Variants in NOVA2 observed in about 807,000 individuals in gnomAD.
NOVA2 encodes the protein RNA-binding protein Nova-2.
Under a neutral mutation model 22.5 loss-of-function variants are expected in NOVA2, and 9 were observed. The observed-to-expected ratio is 0.40, with a 90% CI of 0.24 to 0.70. NOVA2 has a LOEUF of 0.70. Among genes scored for constraint, NOVA2 ranks in the 30% least tolerant of loss-of-function variants. The pLI is 0.38. For synonymous variants in NOVA2, 318 were observed against 335.2 expected (o/e 0.95, Z 0.56); for missense variants, 383 against 682.8 (o/e 0.56, Z 4.89).
intron 3 of NOVA2, among the ~76,000 whole-genome samples, chr19:45,953,506 G>T (rs11672647): frequency 0.42 from 63,436 of 151,914 alleles, 15,765 homozygotes; most frequent in Non-Finnish European, 0.55. Context: ...AGAATCCTAG[G>T]AAGAAAGGAT....
At chr19:45,948,058 G>A (rs1234715574) in intron 3 of NOVA2, among the ~76,000 whole-genome samples, 2 of 152,140 alleles carry the variant, frequency 1.3e-5, no homozygotes, top group African/African-American at 2.4e-5. Flanking sequence ...GCTTATGCAT[G>A]TAATGGTGAG....
chr19:45,966,776 C>T (rs1287829851), intron 1 of NOVA2, among the ~76,000 whole-genome samples: 4 of 152,104 alleles, frequency 2.6e-5, no homozygotes, highest in East Asian at 1.9e-4. Flanking sequence ...ACTTGGGAGG[C>T]TGAAGCAGAA....
chr19:45,964,587 C>CTCTCTCTCTCTCTT (rs1330929033), intron 1 of NOVA2, among the ~76,000 whole-genome samples: 109 of 151,782 alleles, frequency 7.2e-4, no homozygotes, highest in South Asian at 1.5e-3. Flanking sequence ...CTCTCTCTTT[C>CTCTCTCTCTCTCTT]TCTTTCTCTG....
chr19:45,940,324 C>T lies in NOVA2; in HGVS notation c.1018G>A (p.Gly340Arg). Residue 340 changes from glycine (G) to arginine (R), a missense_variant, in exon 4 of 4, where the codon GGA (glycine) becomes AGA (arginine). Gly to Arg is a moderately radical substitution (Grantham distance 125). Around this residue, in one of 2 missense-constraint regions of NOVA2, gnomAD observed 349 missense variants for 578.1 expected, o/e 0.60. Coordinates refer to ENST00000263257, the MANE Select transcript of NOVA2 (RefSeq NM_002516.4). Reference protein sequence around the residue: ...YAGEAGAGPAGGAAPPPPPPP... With the variant: ...YAGEAGAGPARGAAPPPPPPP... Reference sequence around the variant, plus strand: ...GGGGGCGGCGGCGGGGCGGCCCCTCCGGCTGGCCCGGCCCCGGCCTCGCCC... The same window carrying T: ...GGGGGCGGCGGCGGGGCGGCCCCTCTGGCTGGCCCGGCCCCGGCCTCGCCC... 8.5e-7 allele frequency: 1 copy of T among 1,170,412 alleles called. No homozygotes were observed. Among genetic ancestry groups the T allele is most frequent in the South Asian group, 4.1e-5 (1 of 24,636 alleles). The allele number at this position is 1,170,412 out of a possible 1,614,324, so 72.5% of individuals were successfully genotyped here.
intron 1 of NOVA2, among the ~76,000 whole-genome samples, chr19:45,966,024 G>T (rs1473668495): frequency 6.6e-6 from 1 of 152,062 alleles, no homozygotes; most frequent in Non-Finnish European, 1.5e-5. Context: ...CACCCTATAC[G>T]TGGGGTTTGG....
chr19:45,959,536 A>G (rs1028523229), intron 2 of NOVA2, among the ~76,000 whole-genome samples: 1 of 152,140 alleles, frequency 6.6e-6, no homozygotes, highest in Non-Finnish European at 1.5e-5. Flanking sequence ...CATTCCGAAC[A>G]GAGGTCTTAT....
At chr19:45,973,026 A>C in intron 1 of NOVA2, among the ~76,000 whole-genome samples, 1 of 120,028 alleles carries the variant, frequency 8.3e-6, no homozygotes, top group African/African-American at 3.1e-5. Context: ...CCCCCCAAGG[A>C]CACTTATCAC....
At position 45,973,371 on chromosome 19, in the gene NOVA2, G is replaced by GGCTGCT. The variant is rs768078652; in HGVS notation, c.-26_-21dup. 4 of 889,380 alleles carry GGCTGCT rather than the reference G, an allele frequency of 4.5e-6. No homozygotes were observed. Among genetic ancestry groups the GGCTGCT allele is most frequent in the Non-Finnish European group, 5.8e-6 (4 of 685,898 alleles). The allele number at this position is 889,380 out of a possible 1,614,324, so 55.1% of individuals were successfully genotyped here. The stretch of plus-strand genomic sequence containing the variant: ...CTCCATGGGGGGGGCCTGGGGCGGC[G>GGCTGCT]GCTGCTGCTGCTGCGGCGGCTGCGG... On this transcript the variant is annotated 5_prime_UTR_variant, in exon 1 of 4. Transcript: ENST00000263257.
Position 45,938,010 on chromosome 19 carries a change from G to A in NOVA2, c.*1853C>T, listed in dbSNP as rs778504681. 1 of 152,124 alleles carries A rather than the reference G, an allele frequency of 6.6e-6. No homozygotes were observed. The highest frequency in any genetic ancestry group is 2.4e-5 in the African/African-American group (1 of 41,412). 9.4% of individuals were successfully genotyped at this position (152,124 alleles called of 1,614,324 possible). On this transcript the variant is annotated 3_prime_UTR_variant, in exon 4 of 4. Transcript: ENST00000263257. ...AAAGGGTTTGGAAGACCTAGGAGGC[G>A]GACAAATGGGGGAGAGGGTGGGCAT...
chr19:45,973,222 G>A, intron 1 of NOVA2, 45 bp downstream of exon 1: 1 of 1,185,360 alleles, frequency 8.4e-7, no homozygotes, highest in Non-Finnish European at 1.1e-6. Context: ...AGAAAGGCGA[G>A]GCCCCCTGCC....
intron 1 of NOVA2, among the ~76,000 whole-genome samples, chr19:45,964,235 A>G (rs1424068578): frequency 7.3e-6 from 1 of 137,276 alleles, no homozygotes; most frequent in African/African-American, 2.8e-5. Context: ...GCTGCAGTGC[A>G]ATGGCGCGAT....
intron 1 of NOVA2, among the ~76,000 whole-genome samples, chr19:45,964,183 T>TC (rs1433726786): frequency 8.2e-6 from 1 of 122,302 alleles, no homozygotes; most frequent in Admixed American, 8.6e-5. Flanking sequence ...CTTTTTCTTT[T>TC]TTTTTTTTTT....
intron 1 of NOVA2, among the ~76,000 whole-genome samples, chr19:45,971,841 C>T (rs1968236236): frequency 1.3e-5 from 2 of 151,988 alleles, no homozygotes; most frequent in Non-Finnish European, 1.5e-5. Context: ...CCCAAAAAAC[C>T]CCACCTCTTC....
Position 45,966,139 on chromosome 19 carries a change from C to T in NOVA2, c.86-4986G>A, listed in dbSNP as rs934669200. 9.9e-5 allele frequency among the ~76,000 whole-genome samples: 15 copies of T among 152,204 alleles called. 1 individual carries two copies. In the East Asian group the frequency reaches 2.9e-3, roughly 29 times the overall value. On this transcript the variant is annotated intron_variant, in intron 1 of 3. Coordinates refer to ENST00000263257, the MANE Select transcript of NOVA2 (RefSeq NM_002516.4). Reference sequence around the variant, plus strand: ...TCCCTCCTTCTTGGAGGAGGAATGTCCTCTCACTGATACAAGCCAGACCTT... The same window carrying T: ...TCCCTCCTTCTTGGAGGAGGAATGTTCTCTCACTGATACAAGCCAGACCTT...
At chr19:45,958,854 T>C (rs1458290030) in intron 2 of NOVA2, among the ~76,000 whole-genome samples, 1 of 152,164 alleles carries the variant, frequency 6.6e-6, no homozygotes, top group Non-Finnish European at 1.5e-5. Flanking sequence ...TCCCTACTGC[T>C]CTGGTCGTCT....
chr19:45,954,905 ACTAG>A (rs1360099125), intron 2 of NOVA2, among the ~76,000 whole-genome samples: 2 of 147,588 alleles, frequency 1.4e-5, no homozygotes, highest in African/African-American at 5.0e-5. Flanking sequence ...CTTGAGCAGG[ACTAG>A]CTAGATGATC....
intron 1 of NOVA2, among the ~76,000 whole-genome samples, chr19:45,966,861 G>C (rs1712333118): frequency 6.6e-6 from 1 of 152,092 alleles, no homozygotes; most frequent in Non-Finnish European, 1.5e-5. Flanking sequence ...TGGGCAACAA[G>C]AGCGAAACTC....
At chr19:45,970,089 T>G (rs912133308) in intron 1 of NOVA2, among the ~76,000 whole-genome samples, 3 of 152,186 alleles carry the variant, frequency 2.0e-5, no homozygotes, top group South Asian at 2.1e-4. Flanking sequence ...GTTCTGCTGC[T>G]TATCAGCTGA....
At chr19:45,958,610 C>A (rs527391912) in intron 2 of NOVA2, among the ~76,000 whole-genome samples, 2 of 148,668 alleles carry the variant, frequency 1.3e-5, no homozygotes, top group Non-Finnish European at 3.0e-5. Context: ...TGACAGTGTG[C>A]GTGTCAGCGT....
Sources: gnomAD v4.1 joint callset for allele counts (sites outside exome capture counted in the v4.1 genomes callset) on GRCh38, gnomAD v4.1.1 for gene constraint, gnomAD v4.1.1 regional missense constraint, MANE v1.5 for transcripts, NCBI Gene and HGNC (gene_info 2026-07-23, HGNC 2026-07-21) for gene names.